Variants in PLEKHA5 observed in about 807,000 individuals in gnomAD.
The protein encoded by PLEKHA5 is pleckstrin homology domain containing A5.
In PLEKHA5, 55 loss-of-function variants were observed where a neutral mutation model predicts 181.9. That is an observed-to-expected ratio of 0.30 (90% confidence interval 0.24 to 0.38). The LOEUF (loss-of-function observed/expected upper bound fraction) is 0.38. Among genes scored for constraint, PLEKHA5 ranks in the 10% least tolerant of loss-of-function variants. The pLI is 1.00. For missense variants in PLEKHA5, 1,432 were observed against 1,549.5 expected (o/e 0.92, Z 1.27); for synonymous variants, 535 against 529.4 (o/e 1.01, Z -0.15).
At chr12:19,177,187 T>C (rs1417715427) in intron 3 of PLEKHA5, among the ~76,000 whole-genome samples, 1 of 152,142 alleles carries the variant, frequency 6.6e-6, no homozygotes, top group Non-Finnish European at 1.5e-5. Context: ...CTTTTGTTTT[T>C]GTGGTAAGAA....
intron 20 of PLEKHA5, among the ~76,000 whole-genome samples, chr12:19,334,983 GAAAAAAAAAA>G (rs35656695): frequency 2.0e-5 from 1 of 49,968 alleles, no homozygotes; most frequent in Non-Finnish European, 3.9e-5. Context: ...TTTTTTTTAT[GAAAAAAAAAA>G]AAAAAAAAAA....
At chr12:19,238,229 C>T (rs923523479) in intron 3 of PLEKHA5, among the ~76,000 whole-genome samples, 1 of 151,982 alleles carries the variant, frequency 6.6e-6, no homozygotes, top group Non-Finnish European at 1.5e-5. Flanking sequence ...ATTTTCACTT[C>T]AGTTTTCTGA....
chr12:19,164,317 A>G (rs1330504710), intron 3 of PLEKHA5, among the ~76,000 whole-genome samples: 2 of 143,268 alleles, frequency 1.4e-5, no homozygotes, highest in Non-Finnish European at 3.0e-5. Flanking sequence ...TCCTGCCTCA[A>G]CCTCCCAAGT....
chr12:19,291,539 A>G (rs1347180732), intron 14 of PLEKHA5, 105 bp from the exon 15 acceptor site: 1 of 659,032 alleles, frequency 1.5e-6, no homozygotes, highest in Non-Finnish European at 2.6e-6. Context: ...ACTGTGATAT[A>G]ATAGGTTGTA....
At chr12:19,173,270 G>C (rs554922428) in intron 3 of PLEKHA5, among the ~76,000 whole-genome samples, 1 of 151,370 alleles carries the variant, frequency 6.6e-6, no homozygotes, top group African/African-American at 2.4e-5. Flanking sequence ...TGATCCACCC[G>C]CCTCGGCCTC....
chr12:19,283,484 G>A lies in PLEKHA5; in HGVS notation c.1518G>A (p.Met506Ile). The change falls in exon 12 of 32, where the codon ATG becomes ATA. Residue 506 changes from methionine to isoleucine, a missense_variant. Around this residue, in one of 2 missense-constraint regions of PLEKHA5, gnomAD observed 1,143 missense variants for 1,168.4 expected, o/e 0.98. Coordinates refer to ENST00000429027, the MANE Select transcript of PLEKHA5 (RefSeq NM_001256470.2). ...EKRRSMRDDTMWQLYEWQQRQ... is the reference protein window; with the variant it reads ...EKRRSMRDDTIWQLYEWQQRQ... ...GGAGGTCCATGAGAGATGACACAAT[G>A]TGGCAGCTCTACGAATGGCAGCAGC... The A allele has an allele frequency of 6.2e-7, 1 of 1,614,174 alleles. No individual in the cohort carries two copies. Among genetic ancestry groups the A allele is most frequent in the Non-Finnish European group, 8.5e-7 (1 of 1,180,034 alleles).
At chr12:19,248,802 A>G (rs979792726) in intron 3 of PLEKHA5, among the ~76,000 whole-genome samples, 1 of 152,214 alleles carries the variant, frequency 6.6e-6, no homozygotes, top group African/African-American at 2.4e-5. Context: ...GTATTACCAT[A>G]GTTAAGTGAC....
rs977007604 is a variant in PLEKHA5 at position 19,289,982 on chromosome 12, G to A, written c.1864-695G>A. ...TTTTGAGATGGAGTCTCGCCGTGTC[G>A]CCCAGGTTGGAATGCAATGGCGTGA... On this transcript the variant is annotated intron_variant, in intron 13 of 31. Coordinates refer to ENST00000429027, the MANE Select transcript of PLEKHA5 (RefSeq NM_001256470.2). Among the ~76,000 whole-genome samples, 15 of 151,580 alleles carry A rather than the reference G, an allele frequency of 9.9e-5. 1 individual carries two copies. The highest frequency in any genetic ancestry group is 2.1e-4 in the South Asian group (1 of 4,786).
rs571448822 is a variant in PLEKHA5 at position 19,254,098 on chromosome 12, A to C, written c.311+75A>C. 34 of 875,962 alleles carry C rather than the reference A, an allele frequency of 3.9e-5. No individual in the cohort carries two copies. The Middle Eastern group carries it at 1.1e-3, about 29-fold the overall frequency. 54.3% of individuals were successfully genotyped at this position (875,962 alleles called of 1,614,324 possible). A position where few individuals can be genotyped will look rare whatever the true frequency, so the allele number is the denominator to read the frequency against. On this transcript the variant is annotated intron_variant, in intron 4 of 31. Coordinates refer to ENST00000429027, the MANE Select transcript of PLEKHA5 (RefSeq NM_001256470.2). ...TGAAATTGCTGTTATTTATATTTCA[A>C]TTTAGCAGTTTTCTTATCTGGACAT...
intron 13 of PLEKHA5, 106 bp downstream of exon 13, chr12:19,287,662 A>G: frequency 1.4e-6 from 1 of 690,014 alleles, no homozygotes; most frequent in South Asian, 1.8e-5. Flanking sequence ...GTTCTCCCAA[A>G]GAAAAAACAT....
At chr12:19,278,011 G>A (rs1394874105) in intron 11 of PLEKHA5, among the ~76,000 whole-genome samples, 1 of 152,158 alleles carries the variant, frequency 6.6e-6, no homozygotes, top group East Asian at 1.9e-4. Flanking sequence ...TAAGCTTTCA[G>A]TTAAAAGTAA....
chr12:19,167,405 A>ATTTTTTTTTTTTTTTTTTT (rs56086557), intron 3 of PLEKHA5, among the ~76,000 whole-genome samples: 31 of 91,226 alleles, frequency 3.4e-4, no homozygotes, highest in Non-Finnish European at 3.3e-4. Context: ...CTGAGGCTTA[A>ATTTTTTTTTTTTTTTTTTT]TTTTTTTTTT....
At chr12:19,271,594 A>G (rs1431151863) in intron 10 of PLEKHA5, among the ~76,000 whole-genome samples, 2 of 152,216 alleles carry the variant, frequency 1.3e-5, no homozygotes, top group Non-Finnish European at 2.9e-5. Context: ...ATAATAATTA[A>G]AATATTTATG....
At chr12:19,143,331 A>G (rs2037979209) in intron 3 of PLEKHA5, among the ~76,000 whole-genome samples, 1 of 152,244 alleles carries the variant, frequency 6.6e-6, no homozygotes, top group Non-Finnish European at 1.5e-5. Flanking sequence ...ATACCACAGA[A>G]TGATTCCAAA....
At chr12:19,368,708 T>A (rs2095499634) in intron 30 of PLEKHA5, among the ~76,000 whole-genome samples, 1 of 152,098 alleles carries the variant, frequency 6.6e-6, no homozygotes, top group Non-Finnish European at 1.5e-5. Context: ...GGAGAATCGC[T>A]TGAACTTGGG....
chr12:19,324,582 T>A (rs2091668737), intron 20 of PLEKHA5, among the ~76,000 whole-genome samples: 1 of 152,120 alleles, frequency 6.6e-6, no homozygotes, highest in South Asian at 2.1e-4. Context: ...AATATAGTCA[T>A]AAAGAAAATA....
chr12:19,313,418 A>G (rs1023995964), intron 15 of PLEKHA5, among the ~76,000 whole-genome samples: 1 of 152,170 alleles, frequency 6.6e-6, no homozygotes, highest in East Asian at 1.9e-4. Context: ...ATACCTTTAC[A>G]TGTAATTATT....
chr12:19,254,737 C>G (rs1309789536), intron 4 of PLEKHA5, among the ~76,000 whole-genome samples: 4 of 152,194 alleles, frequency 2.6e-5, no homozygotes, highest in Non-Finnish European at 5.9e-5. Flanking sequence ...GCAGGAAAAT[C>G]ACTTGAACCT....
chr12:19,149,278 G>A (rs1273040673), intron 3 of PLEKHA5, among the ~76,000 whole-genome samples: 4 of 152,032 alleles, frequency 2.6e-5, no homozygotes, highest in South Asian at 4.2e-4. Context: ...CAGCGTGGAC[G>A]GATCACGAGG....
Sources: allele counts gnomAD v4.1 joint callset (sites outside exome capture counted in the v4.1 genomes callset), GRCh38; gene constraint gnomAD v4.1.1; regional missense constraint gnomAD v4.1.1; transcripts MANE v1.5; gene names NCBI Gene and HGNC (gene_info 2026-07-23, HGNC 2026-07-21).